The following MRGPRX3 variants were observed in gnomAD, a reference collection of about 807,000 sequenced individuals.
MRGPRX3 encodes the protein MAS related GPR family member X3, also known as mas-related G protein-coupled receptor member X3.
MRGPRX3 carries 14 observed loss-of-function variants against 16.5 expected under a neutral mutation model. The ratio of observed to expected loss-of-function variants is 0.85; its 90% CI spans 0.56 to 1.33. MRGPRX3 has a LOEUF of 1.33. MRGPRX3 is among the 40% of genes most tolerant of loss of function. The pLI, the probability that MRGPRX3 is intolerant of heterozygous loss-of-function variation, is 0.00. For missense variants in MRGPRX3, 449 were observed against 413.0 expected, an observed-to-expected ratio of 1.09 and a Z score of -0.76; for synonymous variants, 199 against 180.1, an observed-to-expected ratio of 1.10 and a Z score of -0.84.
intron 1 of MRGPRX3, among the ~76,000 whole-genome samples, chr11:18,134,177 T>C (rs1346109782): frequency 6.6e-6 from 1 of 152,224 alleles, no homozygotes; most frequent in African/African-American, 2.4e-5. Flanking sequence ...AAATAAAATG[T>C]AATTTTAAAA....
Position 18,138,425 on chromosome 11 carries a change from C to G in MRGPRX3, c.*254C>G, listed in dbSNP as rs1849035716. On this transcript the variant is annotated 3_prime_UTR_variant, in exon 2 of 2. Coordinates refer to ENST00000621697, the MANE Select transcript of MRGPRX3 (RefSeq NM_001370464.1). ...CCTGTTATCTTGCACTGAATCTTTC[C>G]TACTGAACACTTTTTCTGCACTTTT... 1 of 457,590 alleles carries G rather than the reference C, an allele frequency of 2.2e-6. No homozygotes were observed. Among genetic ancestry groups the G allele is most frequent in the Admixed American group, 4.0e-5 (1 of 24,964 alleles). 28.3% of individuals were successfully genotyped at this position (457,590 alleles called of 1,614,324 possible).
At chr11:18,132,467 T>A (rs1590306226), upstream of MRGPRX3, 1 of 152,360 alleles carries the variant, frequency 6.6e-6, no homozygotes, top group Non-Finnish European at 1.5e-5. Flanking sequence ...ATGTACTGGA[T>A]ATGGGACAGA....
intron 1 of MRGPRX3, among the ~76,000 whole-genome samples, chr11:18,132,953 T>A (rs569852973): frequency 6.6e-6 from 1 of 152,280 alleles, no homozygotes; most frequent in South Asian, 2.1e-4. Flanking sequence ...TATCTCCCCA[T>A]ATCACCTCCT....
At chr11:18,122,058 T>C (rs1353003590) in intron 1 of MRGPRX3, among the ~76,000 whole-genome samples, 2 of 151,460 alleles carry the variant, frequency 1.3e-5, no homozygotes, top group Non-Finnish European at 2.9e-5. Flanking sequence ...TTTCAAGATT[T>C]TTTTTTGTTA....
At chr11:18,128,224 C>G (rs571087953), upstream of MRGPRX3, among the ~76,000 whole-genome samples, 75 of 152,238 alleles carry the variant, frequency 4.9e-4, 1 homozygote, top group Non-Finnish European at 8.2e-4. Flanking sequence ...GTCATGGGGT[C>G]AGGGACTCAC....
intron 1 of MRGPRX3, among the ~76,000 whole-genome samples, chr11:18,136,163 T>C (rs200702999): frequency 6.6e-6 from 1 of 152,158 alleles, no homozygotes; most frequent in Non-Finnish European, 1.5e-5. Context: ...GAGAATGAAA[T>C]AGGTTTACAT....
rs768531248 is a variant in MRGPRX3 at position 18,137,406 on chromosome 11, G to C, written c.204G>C (p.Leu68=). 3 of 1,614,166 alleles carry C rather than the reference G, an allele frequency of 1.9e-6. No homozygotes were observed. Among genetic ancestry groups the C allele is most frequent in the Non-Finnish European group, 2.5e-6 (3 of 1,180,034 alleles). ...CTGTCTCCATCTACATCCTCAACCTGGTCGCGGCCGACTTCCTCTTCCTTA... is the reference window on the plus strand; with the variant it reads ...CTGTCTCCATCTACATCCTCAACCTCGTCGCGGCCGACTTCCTCTTCCTTA... ...RNAVSIYILN[L]VAADFLFLSG... is the part of the protein sequence containing the mutation. Residue 68 remains leucine (L), a synonymous_variant, in exon 2 of 2, where the codon CTG becomes CTC. Coordinates refer to ENST00000621697, the MANE Select transcript of MRGPRX3 (RefSeq NM_001370464.1).
chr11:18,137,434 G>A lies in MRGPRX3; in HGVS notation c.232G>A (p.Gly78Ser), dbSNP rs377451721. The A allele has an allele frequency of 3.7e-6, 6 of 1,613,952 alleles. No homozygotes were observed. The highest frequency in any genetic ancestry group is 1.3e-5 in the African/African-American group (1 of 74,888). Residue 78 changes from glycine (G) to serine (S), a missense_variant, in exon 2 of 2, where the codon GGC (glycine) becomes AGC (serine). Coordinates refer to ENST00000621697, the MANE Select transcript of MRGPRX3 (RefSeq NM_001370464.1). ...LVAADFLFLS[G>S]HIICSPLRLI... ...CGCGGCCGACTTCCTCTTCCTTAGCGGCCACATTATATGTTCGCCGTTACG... is the reference window on the plus strand; with the variant it reads ...CGCGGCCGACTTCCTCTTCCTTAGCAGCCACATTATATGTTCGCCGTTACG...
chr11:18,124,785 C>T (rs1448584721), intron 1 of MRGPRX3, among the ~76,000 whole-genome samples: 2 of 152,130 alleles, frequency 1.3e-5, no homozygotes. Flanking sequence ...CCTTGTACCT[C>T]TGGTAGAATT....
At chr11:18,131,754 A>G (rs1444920312), upstream of MRGPRX3, among the ~76,000 whole-genome samples, 1 of 152,182 alleles carries the variant, frequency 6.6e-6, no homozygotes, top group Non-Finnish European at 1.5e-5. Context: ...GATGACATTC[A>G]CAGCAATCTA....
At chr11:18,137,109 C>T in intron 1 of MRGPRX3, 69 bp from the exon 2 acceptor site, 1 of 1,453,994 alleles carries the variant, frequency 6.9e-7, no homozygotes, top group Admixed American at 2.2e-5. Flanking sequence ...CAGTAAATCC[C>T]ACATGGCAGG....
intron 1 of MRGPRX3, among the ~76,000 whole-genome samples, chr11:18,136,584 T>C (rs1365641740): frequency 6.6e-6 from 1 of 152,262 alleles, no homozygotes; most frequent in Non-Finnish European, 1.5e-5. Context: ...TTCTCATGCA[T>C]GCATTCCTTC....
At chr11:18,127,105 C>G (rs11523911) in intron 1 of MRGPRX3, among the ~76,000 whole-genome samples, 27,799 of 152,212 alleles carry the variant, frequency 0.18, 2,792 homozygotes, top group Non-Finnish European at 0.23. Flanking sequence ...GGCCCCCACT[C>G]TCTTCTGGCT....
intron 1 of MRGPRX3, 84 bp from the exon 2 acceptor site, chr11:18,137,094 G>C (rs1026889812): frequency 7.3e-7 from 1 of 1,362,010 alleles, no homozygotes; most frequent in African/African-American, 1.5e-5. Context: ...CTCTTTAAAT[G>C]AGGACAGTAA....
At chr11:18,122,991 A>G (rs1199687600) in intron 1 of MRGPRX3, among the ~76,000 whole-genome samples, 1 of 152,078 alleles carries the variant, frequency 6.6e-6, no homozygotes, top group Non-Finnish European at 1.5e-5. Context: ...TCTTCTTTTG[A>G]GAAGTGTCTG....
chr11:18,128,370 C>T (rs943015641), upstream of MRGPRX3, among the ~76,000 whole-genome samples: 1 of 152,204 alleles, frequency 6.6e-6, no homozygotes, highest in Non-Finnish European at 1.5e-5. Context: ...TGGCCTGCCC[C>T]CAGAGGTGGA....
At chr11:18,126,734 A>G (rs1399665123) in intron 1 of MRGPRX3, among the ~76,000 whole-genome samples, 1 of 151,904 alleles carries the variant, frequency 6.6e-6, no homozygotes, top group Non-Finnish European at 1.5e-5. Flanking sequence ...GAGTGAGAAT[A>G]TGCGGTGTTT....
At chr11:18,134,454 G>T (rs1413909993) in intron 1 of MRGPRX3, among the ~76,000 whole-genome samples, 2 of 152,190 alleles carry the variant, frequency 1.3e-5, no homozygotes, top group African/African-American at 2.4e-5. Flanking sequence ...TTTGCATTTT[G>T]TCAGTTATTC....
At chr11:18,126,112 A>T (rs921099830) in intron 1 of MRGPRX3, among the ~76,000 whole-genome samples, 4 of 152,244 alleles carry the variant, frequency 2.6e-5, no homozygotes, top group Middle Eastern at 3.4e-3. Context: ...GGTTTCCTGA[A>T]TATAGCACAC....
Sources: allele counts gnomAD v4.1 joint callset (sites outside exome capture counted in the v4.1 genomes callset), GRCh38; gene constraint gnomAD v4.1.1; transcripts MANE v1.5; gene names NCBI Gene and HGNC (gene_info 2026-07-23, HGNC 2026-07-21).